Variants in NBEA observed in about 807,000 individuals in gnomAD.
NBEA encodes the protein neurobeachin.
Under a neutral mutation model 343.4 loss-of-function variants are expected in NBEA, and 44 were observed. The ratio of observed to expected loss-of-function variants is 0.13; its 90% CI spans 0.10 to 0.16. NBEA has a LOEUF of 0.16. NBEA is among the 10% of genes least tolerant of loss of function. The probability of loss-of-function intolerance (pLI) is 1.00; values close to 1 mark genes in which losing one functional copy is unlikely to be tolerated. For synonymous variants in NBEA, 1,175 were observed against 1,238.7 expected (o/e 0.95, Z 1.08); for missense variants, 2,555 against 3,631.3 (o/e 0.70, Z 7.62).
intron 41 of NBEA, among the ~76,000 whole-genome samples, chr13:35,473,051 T>C (rs1348056035): frequency 6.6e-6 from 1 of 152,204 alleles, no homozygotes; most frequent in Admixed American, 6.5e-5. Flanking sequence ...GAAAAGCAAC[T>C]GATTCTCTGA....
intron 1 of NBEA, 140 bp downstream of exon 1, chr13:34,943,254 C>A: frequency 8.6e-7 from 1 of 1,166,936 alleles, no homozygotes; most frequent in Non-Finnish European, 1.2e-6. Flanking sequence ...CCGGTATTGC[C>A]CAGCGGGTGA....
chr13:35,307,196 TA>T (rs2036948315), intron 35 of NBEA, among the ~76,000 whole-genome samples: 1 of 152,070 alleles, frequency 6.6e-6, no homozygotes, highest in Non-Finnish European at 1.5e-5. Flanking sequence ...TAACATCTCT[TA>T]TTTTTTATTC....
intron 1 of NBEA, among the ~76,000 whole-genome samples, chr13:34,943,819 T>C (rs1410233769): frequency 6.6e-6 from 1 of 152,188 alleles, no homozygotes; most frequent in East Asian, 1.9e-4. Flanking sequence ...CTGTGGTTAC[T>C]TTCAGTAGTG....
chr13:35,149,367 T>C (rs2068631066), intron 18 of NBEA, among the ~76,000 whole-genome samples: 1 of 152,190 alleles, frequency 6.6e-6, no homozygotes, highest in Non-Finnish European at 1.5e-5. Context: ...TTTCAGATCT[T>C]ATAACTACCC....
intron 41 of NBEA, among the ~76,000 whole-genome samples, chr13:35,514,501 T>C (rs2077407358): frequency 6.6e-6 from 1 of 152,126 alleles, no homozygotes; most frequent in Non-Finnish European, 1.5e-5. Flanking sequence ...CAGAAAAAAC[T>C]GCTCATTTGT....
intron 33 of NBEA, among the ~76,000 whole-genome samples, chr13:35,221,922 G>C (rs963406300): frequency 6.6e-6 from 1 of 152,120 alleles, no homozygotes; most frequent in African/African-American, 2.4e-5. Flanking sequence ...AATCATCTTA[G>C]AGTTTCTTCT....
chr13:35,326,858 G>C (rs1312925928), intron 36 of NBEA, among the ~76,000 whole-genome samples: 4 of 152,014 alleles, frequency 2.6e-5, no homozygotes, highest in African/African-American at 7.2e-5. Context: ...AAAACCTACA[G>C]AATGGGAGAA....
intron 39 of NBEA, among the ~76,000 whole-genome samples, chr13:35,433,711 T>C (rs894960498): frequency 3.9e-5 from 6 of 152,154 alleles, no homozygotes; most frequent in African/African-American, 7.2e-5. Flanking sequence ...AAAAAAATTA[T>C]AGTTTGTCTT....
intron 18 of NBEA, among the ~76,000 whole-genome samples, chr13:35,149,003 T>A (rs2068606162): frequency 1.3e-5 from 2 of 152,230 alleles, no homozygotes; most frequent in South Asian, 4.1e-4. Context: ...ATCAGTAAAT[T>A]TAAGAGTGGC....
At chr13:35,361,820 A>G (rs1276833871) in intron 38 of NBEA, among the ~76,000 whole-genome samples, 1 of 152,042 alleles carries the variant, frequency 6.6e-6, no homozygotes, top group East Asian at 1.9e-4. Context: ...AAGAAAAGCA[A>G]CCTAAATATT....
At chr13:35,645,004 GATA>G (rs1180675915) in intron 49 of NBEA, among the ~76,000 whole-genome samples, 10 of 152,196 alleles carry the variant, frequency 6.6e-5, no homozygotes, top group African/African-American at 2.4e-4. Flanking sequence ...AAATATGGCA[GATA>G]ATGATGCATT....
intron 17 of NBEA, among the ~76,000 whole-genome samples, chr13:35,139,757 T>TTTG (rs2067980000): frequency 2.2e-5 from 3 of 135,834 alleles, no homozygotes; most frequent in African/African-American, 7.9e-5. Flanking sequence ...TTTTTTTTTT[T>TTTG]TTTTTTTTTT....
At chr13:35,071,530 A>T (rs899157421) in intron 10 of NBEA, among the ~76,000 whole-genome samples, 1 of 152,050 alleles carries the variant, frequency 6.6e-6, no homozygotes, top group Non-Finnish European at 1.5e-5. Context: ...AAGAATTTAA[A>T]AATGAATTGT....
At chr13:35,434,491 T>A (rs1319213027) in intron 39 of NBEA, among the ~76,000 whole-genome samples, 1 of 152,180 alleles carries the variant, frequency 6.6e-6, no homozygotes, top group East Asian at 1.9e-4. Context: ...AGATGACACA[T>A]CTACACAGTA....
intron 1 of NBEA, among the ~76,000 whole-genome samples, chr13:34,982,422 C>T (rs892105474): frequency 6.6e-6 from 1 of 152,098 alleles, no homozygotes; most frequent in African/African-American, 2.4e-5. Flanking sequence ...GCCTCAGCCT[C>T]CCTAGTAGCT....
chr13:35,475,624 G>A, intron 41 of NBEA: 3 of 1,613,684 alleles, frequency 1.9e-6, no homozygotes, highest in Admixed American at 1.7e-5. Context: ...TTTAAAGGCC[G>A]GCGTGATCTG....
At chr13:35,669,409 T>C (rs1030996563) in intron 58 of NBEA, among the ~76,000 whole-genome samples, 2 of 152,218 alleles carry the variant, frequency 1.3e-5, no homozygotes, top group African/African-American at 2.4e-5. Context: ...ATTTTAAATA[T>C]TAAGACATAA....
chr13:35,464,914 C>T (rs1026612784), intron 40 of NBEA, among the ~76,000 whole-genome samples: 11 of 151,962 alleles, frequency 7.2e-5, no homozygotes, highest in African/African-American at 1.2e-4. Context: ...TCGTTGACTA[C>T]GTGAATGAAT....
chr13:35,247,676 G>C (rs1375466232), intron 34 of NBEA, among the ~76,000 whole-genome samples: 1 of 152,070 alleles, frequency 6.6e-6, no homozygotes, highest in Non-Finnish European at 1.5e-5. Context: ...TTCCTTCAAA[G>C]GGTCTGTGGA....
Sources: gnomAD v4.1 joint callset for allele counts (sites outside exome capture counted in the v4.1 genomes callset) on GRCh38, gnomAD v4.1.1 for gene constraint, MANE v1.5 for transcripts, NCBI Gene and HGNC (gene_info 2026-07-23, HGNC 2026-07-21) for gene names.